Variants in ADCK1 observed in about 807,000 individuals in gnomAD.
The protein encoded by ADCK1 is aarF domain containing kinase 1.
Under a neutral mutation model 52.3 loss-of-function variants are expected in ADCK1, and 41 were observed. That is an observed-to-expected ratio of 0.78 (90% CI 0.61 to 1.02). The LOEUF (loss-of-function observed/expected upper bound fraction) is 1.02, where lower values mean the gene tolerates loss of function less well. ADCK1 is among the 50% of genes least tolerant of loss of function. The pLI, the probability that ADCK1 is intolerant of heterozygous loss-of-function variation, is 0.00. For synonymous variants in ADCK1, 250 were observed against 274.6 expected, an observed-to-expected ratio of 0.91 and a Z score of 0.89; for missense variants, 658 against 679.5, an observed-to-expected ratio of 0.97 and a Z score of 0.35.
intron 3 of ADCK1, among the ~76,000 whole-genome samples, chr14:77,854,626 G>C (rs1330061504): frequency 7.0e-6 from 1 of 143,248 alleles, no homozygotes; most frequent in Admixed American, 7.2e-5. Context: ...GTGTGATCTT[G>C]GTTCACTACA....
intron 3 of ADCK1, chr14:77,827,783 C>T: frequency 2.6e-6 from 1 of 391,312 alleles, no homozygotes. Context: ...GGCACCTAGT[C>T]CTACTCCACT....
At chr14:77,885,189 C>G (rs886285248) in intron 4 of ADCK1, among the ~76,000 whole-genome samples, 1 of 152,110 alleles carries the variant, frequency 6.6e-6, no homozygotes, top group Admixed American at 6.6e-5. Flanking sequence ...GATCCCAAAC[C>G]CAGGCCCAAG....
At chr14:77,899,387 G>A (rs1294464366) in intron 6 of ADCK1, 129 bp downstream of exon 6, 3 of 1,245,586 alleles carry the variant, frequency 2.4e-6, no homozygotes, top group Non-Finnish European at 3.4e-6. Flanking sequence ...TCTTACTGAG[G>A]ATGAATGACA....
At chr14:77,821,854 C>T (rs1377305987) in intron 2 of ADCK1, among the ~76,000 whole-genome samples, 1 of 136,060 alleles carries the variant, frequency 7.3e-6, no homozygotes, top group Non-Finnish European at 1.5e-5. Flanking sequence ...CATGCCAGTG[C>T]ACTCCAGCCT....
chr14:77,833,987 C>T (rs1005235159), intron 3 of ADCK1, among the ~76,000 whole-genome samples: 4 of 152,120 alleles, frequency 2.6e-5, no homozygotes, highest in Non-Finnish European at 5.9e-5. Flanking sequence ...CAGTGATCAC[C>T]CTCATGCTTA....
intron 1 of ADCK1, among the ~76,000 whole-genome samples, chr14:77,805,369 C>T (rs1305561539): frequency 7.3e-6 from 1 of 137,502 alleles, no homozygotes; most frequent in Non-Finnish European, 1.5e-5. Flanking sequence ...TCAAGTGATT[C>T]TCCTGCCTCA....
chr14:77,859,430 G>A (rs1264591052), intron 4 of ADCK1, 151 bp downstream of exon 4: 2 of 765,914 alleles, frequency 2.6e-6, no homozygotes, highest in East Asian at 5.4e-5. Context: ...AATCAAAGAG[G>A]TTAGAAGGAA....
At chr14:77,876,670 G>T (rs12587361) in intron 4 of ADCK1, among the ~76,000 whole-genome samples, 55,407 of 152,028 alleles carry the variant, frequency 0.36, 11,244 homozygotes, top group Admixed American at 0.5. Flanking sequence ...TAAACCACAG[G>T]TCTACCAAGG....
At chr14:77,863,507 A>C (rs376935061) in intron 4 of ADCK1, among the ~76,000 whole-genome samples, 1 of 152,104 alleles carries the variant, frequency 6.6e-6, no homozygotes, top group East Asian at 1.9e-4. Flanking sequence ...CCCCCATGAC[A>C]TACAGACAAG....
rs1351341704 is a variant in ADCK1 at position 77,899,296 on chromosome 14, G to A, written c.741+38G>A. On this transcript the variant is annotated intron_variant, in intron 6 of 10. Coordinates refer to ENST00000238561, the MANE Select transcript of ADCK1 (RefSeq NM_020421.4). ...ATGCAATGCAGGGTATGGTGGTCTG[G>A]TGGAAGAGTGTAGCGGTATGTGGGT... 4 of 1,611,308 alleles carry A rather than the reference G, an allele frequency of 2.5e-6. No homozygotes were observed. In the South Asian group the frequency reaches 4.4e-5, roughly 18 times the overall value.
chr14:77,885,785 T>C (rs1281482760), intron 4 of ADCK1, among the ~76,000 whole-genome samples: 5 of 152,228 alleles, frequency 3.3e-5, no homozygotes, highest in Non-Finnish European at 5.9e-5. Flanking sequence ...GTCTGGACTT[T>C]CCAGGATTGT....
chr14:77,872,921 C>T (rs780527987), intron 4 of ADCK1, among the ~76,000 whole-genome samples: 190 of 152,270 alleles, frequency 1.2e-3, no homozygotes, highest in Middle Eastern at 3.4e-3. Flanking sequence ...GGTGACCTGC[C>T]GGCCTTGACC....
intron 3 of ADCK1, among the ~76,000 whole-genome samples, chr14:77,829,311 A>G (rs1380605832): frequency 8.0e-6 from 1 of 124,840 alleles, no homozygotes; most frequent in Non-Finnish European, 1.7e-5. Flanking sequence ...TTTTTTTTTG[A>G]GACATGGTCT....
chr14:77,870,070 T>C (rs1406414776), intron 4 of ADCK1, among the ~76,000 whole-genome samples: 3 of 152,264 alleles, frequency 2.0e-5, no homozygotes, highest in African/African-American at 4.8e-5. Flanking sequence ...TGTTGGTGGA[T>C]AATAACATAT....
intron 7 of ADCK1, among the ~76,000 whole-genome samples, chr14:77,916,794 TC>T (rs1389283399): frequency 6.6e-6 from 1 of 152,196 alleles, no homozygotes; most frequent in Non-Finnish European, 1.5e-5. Context: ...GCTTACAGAC[TC>T]CACCTCAGCA....
intron 5 of ADCK1, among the ~76,000 whole-genome samples, chr14:77,892,296 T>A (rs2083298090): frequency 6.6e-6 from 1 of 152,182 alleles, no homozygotes; most frequent in South Asian, 2.1e-4. Flanking sequence ...GATAGAGGTC[T>A]ACAGGGGTGA....
chr14:77,865,305 C>T (rs1485473821), intron 4 of ADCK1, among the ~76,000 whole-genome samples: 1 of 152,004 alleles, frequency 6.6e-6, no homozygotes, highest in Non-Finnish European at 1.5e-5. Flanking sequence ...ATGGTGAAAC[C>T]TCCGTCTCTA....
chr14:77,908,199 C>G (rs2083712223), intron 7 of ADCK1: 1 of 249,686 alleles, frequency 4.0e-6, no homozygotes, highest in Admixed American at 5.1e-5. Context: ...TAAGCGGCCA[C>G]AGAGAACAAT....
At chr14:77,851,995 T>C (rs1236987916) in intron 3 of ADCK1, among the ~76,000 whole-genome samples, 1 of 151,804 alleles carries the variant, frequency 6.6e-6, no homozygotes, top group Admixed American at 6.6e-5. Flanking sequence ...TTTATGTATT[T>C]ATTTATTTAA....
Sources: allele counts gnomAD v4.1 joint callset (sites outside exome capture counted in the v4.1 genomes callset), GRCh38; gene constraint gnomAD v4.1.1; transcripts MANE v1.5; gene names NCBI Gene and HGNC (gene_info 2026-07-23, HGNC 2026-07-21).